Variants in APOB observed in about 807,000 individuals in gnomAD.
APOB encodes the protein apolipoprotein B-100.
A neutral mutation model predicts 314.1 loss-of-function variants in APOB; 153 were observed. That is an observed-to-expected ratio of 0.49 (90% CI 0.43 to 0.56). The LOEUF (loss-of-function observed/expected upper bound fraction) is 0.56, where lower values mean the gene tolerates loss of function less well. Among genes scored for constraint, APOB ranks in the 20% least tolerant of loss-of-function variants. APOB has a pLI of 0.00. For synonymous variants in APOB, 2,087 were observed against 2,036.4 expected (o/e 1.02, Z -0.67); for missense variants, 5,430 against 5,350.7 (o/e 1.01, Z -0.46).
Position 21,022,901 on chromosome 2 carries a change from C to A in APOB, c.2746G>T (p.Ala916Ser). The change falls in exon 18 of 29, where the codon GCC (alanine) becomes TCC (serine). Residue 916 changes from alanine (A) to serine (S), a missense_variant. Transcript: ENST00000233242. ...AACTTCAGCTTCCCAGCTTTTAGGG[C>A]AACATGAGCCTCCAGACCCGACTCG... ...FHESGLEAHV[A>S]LKAGKLKFII... 6.2e-7 allele frequency: 1 copy of A among 1,614,148 alleles called. No individual in the cohort carries two copies. Among genetic ancestry groups the A allele is most frequent in the African/African-American group, 1.3e-5 (1 of 75,044 alleles).
chr2:21,014,992 C>T (rs766787025), intron 23 of APOB, 81 bp downstream of exon 23: 89 of 1,427,242 alleles, frequency 6.2e-5, no homozygotes, highest in Admixed American at 8.4e-5. Flanking sequence ...TCTTTGGAAA[C>T]CTTCCTGCAC....
Position 21,006,548 on chromosome 2 carries a change from G to A in APOB, c.10320C>T (p.Phe3440=), listed in dbSNP as rs762592684. ...KAQIPILRMN[F]KQELNGNTKS... is the part of the protein sequence containing the mutation. ...TGGTATTTCCATTAAGTTCTTGCTT[G>A]AAATTCATTCTCAAAATTGGAATTT... is the stretch of plus-strand genomic sequence containing the variant. Residue 3440 remains phenylalanine (F), a synonymous_variant, in exon 26 of 29, where the codon TTC becomes TTT. Coordinates refer to ENST00000233242, the MANE Select transcript of APOB (RefSeq NM_000384.3). 6 of 1,613,948 alleles carry A rather than the reference G, an allele frequency of 3.7e-6. No individual in the cohort carries two copies. In the African/African-American group the frequency reaches 8.0e-5, roughly 22 times the overall value.
chr2:21,008,212 T>C lies in APOB; in HGVS notation c.8656A>G (p.Asn2886Asp). Reference protein sequence around the residue: ...KINNQLTLDSNTKYFHKLNIP... With the variant: ...KINNQLTLDSDTKYFHKLNIP... ...TTCAATTTGTGGAAGTATTTAGTGT[T>C]GCTATCCAGGGTAAGCTGATTGTTT... Residue 2886 changes from asparagine to aspartate, a missense_variant, in exon 26 of 29, where the codon AAC becomes GAC. Asn to Asp is a conservative substitution (Grantham distance 23). Coordinates refer to ENST00000233242, the MANE Select transcript of APOB (RefSeq NM_000384.3). 1 of 1,614,110 alleles carries C rather than the reference T, an allele frequency of 6.2e-7. No individual in the cohort carries two copies. Among genetic ancestry groups the C allele is most frequent in the Non-Finnish European group, 8.5e-7 (1 of 1,179,986 alleles).
At chr2:21,027,236 A>G (rs1558571819) in intron 14 of APOB, among the ~76,000 whole-genome samples, 1 of 152,170 alleles carries the variant, frequency 6.6e-6, no homozygotes, top group Non-Finnish European at 1.5e-5. Context: ...TGAGATTTGA[A>G]GCAGATCTGA....
At position 21,006,383 on chromosome 2, in the gene APOB, A is replaced by C; in HGVS notation, c.10485T>G (p.Ser3495=). 1 of 1,614,056 alleles carries C rather than the reference A, an allele frequency of 6.2e-7. No individual in the cohort carries two copies. The highest frequency in any genetic ancestry group is 8.5e-7 in the Non-Finnish European group (1 of 1,179,972). The change falls in exon 26 of 29, where the codon TCT becomes TCG. Residue 3495 remains serine (S), a synonymous_variant. Coordinates refer to ENST00000233242, the MANE Select transcript of APOB (RefSeq NM_000384.3). The stretch of plus-strand genomic sequence containing the variant: ...CCGAACCCTTGACATCTCCTTTGGT[A>C]GATGACTCAATGGAAAAGTAAGAGG... ...SLTSYFSIES[S]TKGDVKGSVL... is the part of the protein sequence containing the mutation.
In APOB at chr2:21,043,907, C is replaced by A; in HGVS notation, c.39G>T (p.Ala13=). ...PPRPALLALL[A]LPALLLLLLA... ...GCAGCAGCAGCAGCAGCGCAGGCAG[C>A]GCCAGCAGCGCCAGCAGCGCGGGCC... The change falls in exon 1 of 29, where the codon GCG becomes GCT. Residue 13 remains alanine (A), a synonymous_variant. Coordinates refer to ENST00000233242, the MANE Select transcript of APOB (RefSeq NM_000384.3). 1 of 680,222 alleles carries A rather than the reference C, an allele frequency of 1.5e-6. No individual in the cohort carries two copies. The highest frequency in any genetic ancestry group is 2.1e-6 in the Non-Finnish European group (1 of 485,878). 42.1% of individuals were successfully genotyped at this position (680,222 alleles called of 1,614,324 possible).
Position 21,015,478 on chromosome 2 carries a change from T to C in APOB, c.3400A>G (p.Arg1134Gly), listed in dbSNP as rs769299791. Residue 1134 changes from arginine (R) to glycine (G), a missense_variant, in exon 22 of 29, where the codon AGA becomes GGA. By Grantham distance (125) the Arg-to-Gly change is moderately radical. Around this residue, in one of 3 missense-constraint regions of APOB, gnomAD observed 2,085 missense variants for 2,079.7 expected, o/e 1.00. Transcript: ENST00000233242. ...GACCAGTGGGCGAGGATCTCACTTC[T>C]GGCTTCTGCTTGCAAACGGGGTATG... ...ISIPRLQAEA[R>G]SEILAHWSPA... 14 of 1,613,990 alleles carry C rather than the reference T, an allele frequency of 8.7e-6. No individual in the cohort carries two copies. The highest frequency in any genetic ancestry group is 1.2e-5 in the Non-Finnish European group (14 of 1,180,026).
intron 28 of APOB, 115 bp from the exon 29 acceptor site, chr2:21,003,449 T>C (rs1370505747): frequency 1.4e-5 from 13 of 922,250 alleles, no homozygotes; most frequent in Non-Finnish European, 2.0e-5. Context: ...TTTCATATAC[T>C]GAAAGGGATT....
At chr2:21,027,115 A>G in intron 14 of APOB, 151 bp from the exon 15 acceptor site, 1 of 751,914 alleles carries the variant, frequency 1.3e-6, no homozygotes, top group Non-Finnish European at 2.3e-6. Flanking sequence ...GAGCTGCTTT[A>G]TTAAAATCTC....
chr2:21,037,199 A>G lies in APOB; in HGVS notation c.594T>C (p.Asn198=), dbSNP rs1664023490. The change falls in exon 6 of 29, where the codon AAT becomes AAC. Residue 198 remains asparagine (N), a synonymous_variant. Coordinates refer to ENST00000233242, the MANE Select transcript of APOB (RefSeq NM_000384.3). ...THFTVKTRKG[N]VATEISTERD... is the part of the protein sequence containing the mutation. Reference sequence around the variant, plus strand: ...TTTCAGTGGATATTTCTGTTGCCACATTGCCCTTCCTCGTCTTGACGGTAA... The same window carrying G: ...TTTCAGTGGATATTTCTGTTGCCACGTTGCCCTTCCTCGTCTTGACGGTAA... 2 of 1,614,044 alleles carry G rather than the reference A, an allele frequency of 1.2e-6. No homozygotes were observed. The highest frequency in any genetic ancestry group is 1.7e-6 in the Non-Finnish European group (2 of 1,180,038).
chr2:21,019,171 A>T (rs2103366698), intron 19 of APOB, 58 bp from the exon 20 acceptor site: 9 of 1,609,982 alleles, frequency 5.6e-6, no homozygotes, highest in South Asian at 3.3e-5. Flanking sequence ...GATGGTGATT[A>T]TGTTCCCAAA....
At chr2:21,030,265 T>G (rs944766865) in intron 10 of APOB, among the ~76,000 whole-genome samples, 1 of 152,156 alleles carries the variant, frequency 6.6e-6, no homozygotes, top group African/African-American at 2.4e-5. Context: ...CATAGATCAA[T>G]GGAACAGAAT....
chr2:21,006,043 A>T lies in APOB; in HGVS notation c.10825T>A (p.Ser3609Thr), dbSNP rs1060500239. 6.2e-6 allele frequency: 10 copies of T among 1,613,996 alleles called. No individual in the cohort carries two copies. The highest frequency in any genetic ancestry group is 7.6e-6 in the Non-Finnish European group (9 of 1,179,950). Residue 3609 changes from serine to threonine, a missense_variant, in exon 26 of 29, where the codon TCC becomes ACC. Around this residue, in one of 3 missense-constraint regions of APOB, gnomAD observed 3,281 missense variants for 3,171.0 expected, o/e 1.03. Transcript: ENST00000233242. ...CCAAGGTCAGGGAAATCATGGAAGG[A>T]ACTGGGCTGACTTGCATGGACCTGA... Reference protein sequence around the residue: ...LVQVHASQPSSFHDFPDLGQE... With the variant: ...LVQVHASQPSTFHDFPDLGQE...
chr2:21,027,464 C>A (rs947953570), intron 14 of APOB, among the ~76,000 whole-genome samples: 3 of 152,258 alleles, frequency 2.0e-5, no homozygotes, highest in Non-Finnish European at 4.4e-5. Flanking sequence ...CAGGTGCCTG[C>A]CACCACGCCC....
At chr2:21,027,559 C>G (rs1033996432) in intron 14 of APOB, among the ~76,000 whole-genome samples, 3 of 152,050 alleles carry the variant, frequency 2.0e-5, no homozygotes, top group Non-Finnish European at 4.4e-5. Context: ...ATGATCCACC[C>G]GCCTCGGCCT....
chr2:21,041,861 G>A (rs1664140058), intron 3 of APOB, among the ~76,000 whole-genome samples: 1 of 152,172 alleles, frequency 6.6e-6, no homozygotes, highest in Admixed American at 6.5e-5. Context: ...TGCTCCACAT[G>A]TATGTAACAT....
chr2:21,023,072 T>G (rs375114889), intron 17 of APOB, 30 bp from the exon 18 acceptor site: 1 of 1,592,882 alleles, frequency 6.3e-7, no homozygotes, highest in Non-Finnish European at 8.6e-7. Context: ...CTATTCAGAT[T>G]CATTAAATAC....
intron 17 of APOB, 171 bp downstream of exon 17, chr2:21,023,354 T>C (rs1410570949): frequency 9.4e-6 from 7 of 744,182 alleles, no homozygotes; most frequent in Non-Finnish European, 1.6e-5. Flanking sequence ...GCTAGTGAGG[T>C]AGTGCATTCT....
Position 21,029,727 on chromosome 2 carries a change from A to G in APOB, c.1529T>C (p.Ile510Thr). ...CTTTGTACTTTGGACACATTTCAGG[A>G]TTGAAGACTTGAGTTCTGGAGTTAA... ...EQLTPELKSS[I>T]LKCVQSTKPS... The change falls in exon 12 of 29, where the codon ATC (isoleucine) becomes ACC (threonine). Residue 510 changes from isoleucine to threonine, a missense_variant. This residue lies in a region of APOB where 2,085 missense variants were observed against 2,079.7 expected (regional missense o/e 1.00). Coordinates refer to ENST00000233242, the MANE Select transcript of APOB (RefSeq NM_000384.3). The G allele has an allele frequency of 6.2e-7, 1 of 1,614,154 alleles. No homozygotes were observed. The highest frequency in any genetic ancestry group is 1.6e-4 in the Middle Eastern group (1 of 6,062).
Sources: gnomAD v4.1 joint callset for allele counts (sites outside exome capture counted in the v4.1 genomes callset) on GRCh38, gnomAD v4.1.1 for gene constraint, gnomAD v4.1.1 regional missense constraint, MANE v1.5 for transcripts, NCBI Gene and HGNC (gene_info 2026-07-23, HGNC 2026-07-21) for gene names.